The following NRG3 variants were observed in gnomAD, a reference collection of about 807,000 sequenced individuals.
NRG3 encodes pro-neuregulin-3, membrane-bound isoform.
Under a neutral mutation model 66.9 loss-of-function variants are expected in NRG3, and 31 were observed. The ratio of observed to expected loss-of-function variants is 0.46; its 90% CI spans 0.35 to 0.63. The LOEUF is 0.63. NRG3 is among the 20% of genes least tolerant of loss of function. The probability of loss-of-function intolerance (pLI) is 0.00; values close to 1 mark genes in which losing one functional copy is unlikely to be tolerated. For synonymous variants in NRG3, 393 were observed against 359.4 expected (o/e 1.09, Z -1.06); for missense variants, 910 against 878.9 (o/e 1.04, Z -0.45).
chr10:82,118,305 T>C (rs1284748966), intron 1 of NRG3, among the ~76,000 whole-genome samples: 2 of 152,038 alleles, frequency 1.3e-5, no homozygotes, highest in East Asian at 3.9e-4. Context: ...GCCCTCTTTT[T>C]TCCTTTCTGA....
intron 3 of NRG3, among the ~76,000 whole-genome samples, chr10:82,745,510 A>C (rs1325589928): frequency 1.3e-5 from 2 of 152,140 alleles, no homozygotes; most frequent in African/African-American, 4.8e-5. Context: ...TTGTTAGCAG[A>C]ATGGATTTAT....
intron 4 of NRG3, among the ~76,000 whole-genome samples, chr10:82,925,244 G>A (rs985470888): frequency 6.6e-6 from 1 of 152,212 alleles, no homozygotes; most frequent in African/African-American, 2.4e-5. Context: ...TGTTACAGAA[G>A]TACAGGAAGA....
chr10:82,063,714 G>A (rs2064290454), intron 1 of NRG3, among the ~76,000 whole-genome samples: 1 of 151,830 alleles, frequency 6.6e-6, no homozygotes, highest in Admixed American at 6.6e-5. Context: ...ACTAAAGAAA[G>A]GAACTAAATA....
intron 2 of NRG3, among the ~76,000 whole-genome samples, chr10:82,604,209 C>G (rs900209963): frequency 1.3e-5 from 2 of 152,136 alleles, no homozygotes; most frequent in African/African-American, 4.8e-5. Context: ...CTCTCTCCTT[C>G]CCCCTGAACC....
At chr10:82,111,405 T>G (rs910959878) in intron 1 of NRG3, among the ~76,000 whole-genome samples, 2 of 152,180 alleles carry the variant, frequency 1.3e-5, no homozygotes, top group Non-Finnish European at 2.9e-5. Context: ...TAAATATTCT[T>G]AATTGAGTTT....
intron 1 of NRG3, among the ~76,000 whole-genome samples, chr10:82,125,788 T>G (rs1247484925): frequency 6.6e-6 from 1 of 152,020 alleles, no homozygotes; most frequent in Non-Finnish European, 1.5e-5. Flanking sequence ...GCTTATATAT[T>G]CTGAATACTG....
chr10:82,832,482 G>T (rs1225643263), intron 3 of NRG3, among the ~76,000 whole-genome samples: 1 of 152,102 alleles, frequency 6.6e-6, no homozygotes. Flanking sequence ...AAAGCAGACA[G>T]GCAATACAAA....
intron 4 of NRG3, among the ~76,000 whole-genome samples, chr10:82,939,484 TTG>T (rs763450116): frequency 0.09 from 13,640 of 151,990 alleles, 823 homozygotes; most frequent in African/African-American, 0.15. Context: ...GTTGTTGTTG[TTG>T]TTTGAGACGG....
At chr10:82,210,115 A>G (rs2075324436) in intron 1 of NRG3, among the ~76,000 whole-genome samples, 1 of 152,196 alleles carries the variant, frequency 6.6e-6, no homozygotes, top group African/African-American at 2.4e-5. Context: ...AAACATTGCT[A>G]TAACATATCA....
At chr10:82,357,435 C>T (rs1641143556) in intron 1 of NRG3, among the ~76,000 whole-genome samples, 2 of 152,158 alleles carry the variant, frequency 1.3e-5, no homozygotes, top group Admixed American at 1.3e-4. Context: ...TTTTCTATTG[C>T]TTTAACTGAA....
chr10:82,049,096 C>A (rs901182320), intron 1 of NRG3, among the ~76,000 whole-genome samples: 5 of 151,974 alleles, frequency 3.3e-5, no homozygotes, highest in Admixed American at 1.3e-4. Flanking sequence ...TAATGTTATT[C>A]AAAGTTCATC....
At chr10:82,972,811 G>T (rs1376517566) in intron 6 of NRG3, among the ~76,000 whole-genome samples, 2 of 151,750 alleles carry the variant, frequency 1.3e-5, no homozygotes, top group Admixed American at 1.3e-4. Context: ...CAAAAAGGTT[G>T]ATTAACTTGA....
chr10:82,316,612 C>T (rs1361377585), intron 1 of NRG3, among the ~76,000 whole-genome samples: 1 of 152,168 alleles, frequency 6.6e-6, no homozygotes, highest in Non-Finnish European at 1.5e-5. Context: ...AGGCCTTGCT[C>T]CTGGCCGCAC....
At chr10:82,583,481 G>A (rs370226135) in intron 2 of NRG3, among the ~76,000 whole-genome samples, 1 of 152,108 alleles carries the variant, frequency 6.6e-6, no homozygotes, top group East Asian at 1.9e-4. Context: ...CTATATTTAC[G>A]TGTGACTGAA....
chr10:81,900,256 ACG>A lies in NRG3; in HGVS notation c.823+24095_823+24096del, dbSNP rs1185189789. Reference sequence around the variant, plus strand: ...AGCCAATGCGCCTGGCCGGTTTTTAACGCACACTTCTTATAAGTGCCTAGCGG... The same window carrying A: ...AGCCAATGCGCCTGGCCGGTTTTTAACACACTTCTTATAAGTGCCTAGCGG... On this transcript the variant is annotated intron_variant, in intron 1 of 8. Transcript: ENST00000372141. 1.5e-4 allele frequency among the ~76,000 whole-genome samples: 14 copies of A among 94,432 alleles called. No individual in the cohort carries two copies. The East Asian group carries it at 2.3e-3, about 15-fold the overall frequency. The allele number at this position is 94,432 out of a possible 152,430, so 62.0% of individuals were successfully genotyped here. A position where few individuals can be genotyped will look rare whatever the true frequency, so the allele number is the denominator to read the frequency against.
chr10:82,202,579 T>C (rs1589299285), intron 1 of NRG3, among the ~76,000 whole-genome samples: 1 of 152,348 alleles, frequency 6.6e-6, no homozygotes, highest in East Asian at 1.9e-4. Context: ...CTATCAATAT[T>C]ACTTGGAAAT....
intron 1 of NRG3, among the ~76,000 whole-genome samples, chr10:82,326,454 AT>A (rs200354080): frequency 1.7e-4 from 26 of 151,742 alleles, no homozygotes; most frequent in South Asian, 4.2e-4. Context: ...AATTTTCATG[AT>A]TTTTTTTAAT....
chr10:82,368,020 A>G (rs1037294522), intron 2 of NRG3, among the ~76,000 whole-genome samples: 2 of 152,134 alleles, frequency 1.3e-5, no homozygotes, highest in African/African-American at 4.8e-5. Context: ...ATAAATAAGT[A>G]AATAAATAAA....
intron 1 of NRG3, among the ~76,000 whole-genome samples, chr10:82,313,782 A>T (rs1296655175): frequency 6.6e-6 from 1 of 152,178 alleles, no homozygotes; most frequent in East Asian, 1.9e-4. Flanking sequence ...CATCCATTTT[A>T]TCCTCTCTGG....
Sources: gnomAD v4.1 joint callset for allele counts (sites outside exome capture counted in the v4.1 genomes callset) on GRCh38, gnomAD v4.1.1 for gene constraint, MANE v1.5 for transcripts, NCBI Gene and HGNC (gene_info 2026-07-23, HGNC 2026-07-21) for gene names.